Variants in CELSR2 observed in about 807,000 individuals in gnomAD.
CELSR2 encodes cadherin EGF LAG seven-pass G-type receptor 2.
In CELSR2, 81 loss-of-function variants were observed where a neutral mutation model predicts 251.6. The ratio of observed to expected loss-of-function variants is 0.32; its 90% CI spans 0.27 to 0.39. The LOEUF (loss-of-function observed/expected upper bound fraction) is 0.39, where lower values mean the gene tolerates loss of function less well. Among genes scored for constraint, CELSR2 ranks in the 10% least tolerant of loss-of-function variants. CELSR2 has a pLI of 1.00. For synonymous variants in CELSR2, 1,721 were observed against 1,670.5 expected, an observed-to-expected ratio of 1.03 and a Z score of -0.74; for missense variants, 3,365 against 3,947.7, an observed-to-expected ratio of 0.85 and a Z score of 3.96.
rs1437397288 is a variant in CELSR2 at position 109,250,333 on chromosome 1, C to T, written c.254C>T (p.Pro85Leu). 1.2e-6 allele frequency: 2 copies of T among 1,613,378 alleles called. No homozygotes were observed. Among genetic ancestry groups the T allele is most frequent in the East Asian group, 2.2e-5 (1 of 44,882 alleles). The change falls in exon 1 of 34, where the codon CCC becomes CTC. Residue 85 changes from proline (P) to leucine (L), a missense_variant. This residue lies in a region of CELSR2 where 704 missense variants were observed against 784.1 expected (regional missense o/e 0.90). Transcript: ENST00000271332. This position sits in a 1 kb window ranked among gnomAD's most constrained non-coding sequence, Gnocchi z 4.4. ...AGTELTGHLV[P>L]HHDGLRVWCP... ...ACTGAGCTGACTGGCCACCTGGTACCCCACCACGATGGCCTGAGGGTTTGG... is the reference window on the plus strand; with the variant it reads ...ACTGAGCTGACTGGCCACCTGGTACTCCACCACGATGGCCTGAGGGTTTGG...
At chr1:109,265,379 G>A in intron 13 of CELSR2, 68 bp downstream of exon 13, 2 of 1,505,910 alleles carry the variant, frequency 1.3e-6, no homozygotes, top group Non-Finnish European at 1.8e-6. Context: ...GGGCCCTAGA[G>A]GGCAGGCTGT....
Position 109,249,933 on chromosome 1 carries a change from C to T in CELSR2, c.-147C>T. On this transcript the variant is annotated 5_prime_UTR_variant, in exon 1 of 34. Coordinates refer to ENST00000271332, the MANE Select transcript of CELSR2 (RefSeq NM_001408.3). Reference sequence around the variant, plus strand: ...GGGTGCAGCGCGGGGTCCCGCCGAGCCATCCAGACGCAGGCCCCGCGGGGC... The same window carrying T: ...GGGTGCAGCGCGGGGTCCCGCCGAGTCATCCAGACGCAGGCCCCGCGGGGC... The T allele has an allele frequency of 1.5e-6, 1 of 686,838 alleles. No homozygotes were observed. The highest frequency in any genetic ancestry group is 1.9e-6 in the Non-Finnish European group (1 of 517,176). 42.5% of individuals were successfully genotyped at this position (686,838 alleles called of 1,614,324 possible).
In CELSR2 at chr1:109,269,743, C is replaced by T. The variant is rs763359747; in HGVS notation, c.7030C>T (p.Arg2344Cys). Residue 2344 changes from arginine to cysteine, a missense_variant, in exon 22 of 34, where the codon CGC becomes TGC. Transcript: ENST00000271332. The surrounding 1 kb of genome is among the most constrained non-coding windows in gnomAD (Gnocchi z 6.4). ...WSARGCEVVF[R>C]NESHVSCQCN... The stretch of plus-strand genomic sequence containing the variant: ...GGCCAGAGGCTGTGAAGTCGTCTTC[C>T]GCAATGAGAGCCACGTCAGCTGCCA... 7 of 1,613,826 alleles carry T rather than the reference C, an allele frequency of 4.3e-6. No homozygotes were observed. The highest frequency in any genetic ancestry group is 1.7e-5 in the Admixed American group (1 of 59,994).
rs1445705272 is a variant in CELSR2, at chr1:109,270,996, C to T, written c.7553C>T (p.Thr2518Met). The change falls in exon 25 of 34, where the codon ACG becomes ATG. Residue 2518 changes from threonine (T) to methionine (M), a missense_variant. Thr to Met is a moderately conservative substitution (Grantham distance 81). This residue lies in a region of CELSR2 where 2,093 missense variants were observed against 2,382.8 expected (regional missense o/e 0.88). Transcript: ENST00000271332. ...TTCTGCTGGCTCTCCATCTATGACA[C>T]GCTCATCTGGAGTTTTGCTGGCCCG... is the stretch of plus-strand genomic sequence containing the variant. ...PDFCWLSIYD[T>M]LIWSFAGPVA... 7.4e-6 allele frequency: 12 copies of T among 1,613,868 alleles called. No homozygotes were observed. Among genetic ancestry groups the T allele is most frequent in the South Asian group, 1.1e-5 (1 of 91,076 alleles).
At position 109,273,544 on chromosome 1, in the gene CELSR2, GC is replaced by G; in HGVS notation, c.8619del (p.Ser2874AlafsTer19). 6.3e-7 allele frequency: 1 copy of G among 1,580,916 alleles called. No homozygotes were observed. The highest frequency in any genetic ancestry group is 8.6e-7 in the Non-Finnish European group (1 of 1,163,962). ...GSSRGSSASE[G>X]SRGGPPPRPP... is the part of the protein sequence containing the mutation. ...TCCCGGGGCTCCTCCGCTAGTGAGG[GC>G]AGCCGGGGAGGCCCCCCTCCCCGCC... On this transcript the variant is annotated frameshift_variant, in exon 33 of 34. Coordinates refer to ENST00000271332, the MANE Select transcript of CELSR2 (RefSeq NM_001408.3). LOFTEE classifies it high-confidence loss of function.
In CELSR2 at chr1:109,252,842, T is replaced by A. The variant is rs778322362; in HGVS notation, c.2763T>A (p.Phe921Leu). 1 of 1,613,920 alleles carries A rather than the reference T, an allele frequency of 6.2e-7. No homozygotes were observed. Among genetic ancestry groups the A allele is most frequent in the Non-Finnish European group, 8.5e-7 (1 of 1,179,960 alleles). ...ATGTGAATGACAATCCCCCTGTCTT[T>A]GAGCAGGATGAGTTTGATGTGTTTG... ...VLDVNDNPPV[F>L]EQDEFDVFVE... Residue 921 changes from phenylalanine (F) to leucine (L), a missense_variant, in exon 1 of 34, where the codon TTT becomes TTA. Phe to Leu is a conservative substitution (Grantham distance 22, BLOSUM62 0). Transcript: ENST00000271332. This position sits in a 1 kb window ranked among gnomAD's most constrained non-coding sequence, Gnocchi z 4.8.
intron 11 of CELSR2, 119 bp downstream of exon 11, chr1:109,264,747 C>T (rs2101262097): frequency 6.3e-7 from 1 of 1,578,060 alleles, no homozygotes; most frequent in Non-Finnish European, 8.7e-7. Context: ...TAGTTGCCTA[C>T]ACAACAAAGC....
chr1:109,271,122 C>T lies in CELSR2; in HGVS notation c.7596+83C>T, dbSNP rs1322236829. ...CTGCTGGGGCCGCGTGTCCTCAGGA[C>T]TCCCTTTAGGAACAGCTGAGGCCAC... On this transcript the variant is annotated intron_variant, in intron 25 of 33. Coordinates refer to ENST00000271332, the MANE Select transcript of CELSR2 (RefSeq NM_001408.3). 11 of 1,525,544 alleles carry T rather than the reference C, an allele frequency of 7.2e-6. No homozygotes were observed. The East Asian group carries it at 2.3e-4, about 31-fold the overall frequency. 94.5% of individuals were successfully genotyped at this position (1,525,544 alleles called of 1,614,324 possible). A position where few individuals can be genotyped will look rare whatever the true frequency, so the allele number is the denominator to read the frequency against.
At chr1:109,264,052 C>T (rs1216410506) in intron 9 of CELSR2, 26 bp from the exon 10 acceptor site, 15 of 1,548,934 alleles carry the variant, frequency 9.7e-6, no homozygotes, top group Non-Finnish European at 1.2e-5. Flanking sequence ...GTCTGCTGAC[C>T]CTGTTTTCTT....
chr1:109,252,920 C>T lies in CELSR2; in HGVS notation c.2841C>T (p.Asp947=). ...GLAVARVTAT[D]PDEGTNAQIM... is the part of the protein sequence containing the mutation. ...CCGTGGCCCGGGTCACAGCCACTGACCCCGATGAAGGCACCAATGCCCAGA... is the reference window on the plus strand; with the variant it reads ...CCGTGGCCCGGGTCACAGCCACTGATCCCGATGAAGGCACCAATGCCCAGA... The change falls in exon 1 of 34, where the codon GAC becomes GAT. Residue 947 remains aspartate (D), a synonymous_variant. Transcript: ENST00000271332. This position sits in a 1 kb window ranked among gnomAD's most constrained non-coding sequence, Gnocchi z 4.8. The T allele has an allele frequency of 6.2e-7, 1 of 1,612,522 alleles. No individual in the cohort carries two copies. Among genetic ancestry groups the T allele is most frequent in the Non-Finnish European group, 8.5e-7 (1 of 1,179,120 alleles).
chr1:109,268,703 C>T lies in CELSR2; in HGVS notation c.6441C>T (p.Ala2147=), dbSNP rs1656277743. 6.2e-7 allele frequency: 1 copy of T among 1,613,636 alleles called. No individual in the cohort carries two copies. The change falls in exon 18 of 34, where the codon GCC becomes GCT. Residue 2147 remains alanine (A), a synonymous_variant. Coordinates refer to ENST00000271332, the MANE Select transcript of CELSR2 (RefSeq NM_001408.3). The part of the protein sequence containing the change: ...LLQHYEAYAS[A]LAQNMRHTYL... ...AGCACTATGAGGCCTACGCCAGTGC[C>T]CTGGCCCAGAACATGCGGCACACCT...
chr1:109,273,883 C>A, intron 33 of CELSR2, 139 bp from the exon 34 acceptor site: 1 of 1,284,668 alleles, frequency 7.8e-7, no homozygotes, highest in Non-Finnish European at 1.1e-6. Flanking sequence ...CGCAGCCCAG[C>A]CTAGGGCAGA....
chr1:109,262,748 G>T, intron 6 of CELSR2, 58 bp from the exon 7 acceptor site: 1 of 1,587,170 alleles, frequency 6.3e-7, no homozygotes. Context: ...GGCAGAGCGA[G>T]CGGAGGACCA....
In CELSR2 at chr1:109,250,126, C is replaced by CT; in HGVS notation, c.47_48insT (p.Leu17AlafsTer62). ...GTCCCCCTCCCAACGCCGCCGCCGC[C>CT]GCTGCTGCTGCTGTTGCTGCTGCTG... On this transcript the variant is annotated frameshift_variant, in exon 1 of 34. Transcript: ENST00000271332. LOFTEE classifies it high-confidence loss of function. The surrounding 1 kb of genome is among the most constrained non-coding windows in gnomAD (Gnocchi z 4.4). 3 of 1,573,082 alleles carry CT rather than the reference C, an allele frequency of 1.9e-6. No homozygotes were observed. Among genetic ancestry groups the CT allele is most frequent in the Non-Finnish European group, 1.7e-6 (2 of 1,163,344 alleles).
rs573085605 is a variant in CELSR2, at chr1:109,265,420, C to T, written c.5727+109C>T. 17 of 1,274,368 alleles carry T rather than the reference C, an allele frequency of 1.3e-5. No homozygotes were observed. The South Asian group carries it at 2.2e-4, about 17-fold the overall frequency. 78.9% of individuals were successfully genotyped at this position (1,274,368 alleles called of 1,614,324 possible). On this transcript the variant is annotated intron_variant, in intron 13 of 33. Transcript: ENST00000271332. ...TGGGTCTTCCTGTAGAGCTGAGGGCCTTGTGCCTTTGCTCTCACAGGCAGG... is the reference window on the plus strand; with the variant it reads ...TGGGTCTTCCTGTAGAGCTGAGGGCTTTGTGCCTTTGCTCTCACAGGCAGG...
chr1:109,265,822 G>C lies in CELSR2; in HGVS notation c.5815G>C (p.Glu1939Gln). The C allele has an allele frequency of 6.2e-7, 1 of 1,614,134 alleles. No individual in the cohort carries two copies. Among genetic ancestry groups the C allele is most frequent in the Non-Finnish European group, 8.5e-7 (1 of 1,180,036 alleles). Residue 1939 changes from glutamate to glutamine, a missense_variant, in exon 14 of 34, where the codon GAG becomes CAG. By Grantham distance (29) the Glu-to-Gln change is conservative (BLOSUM62 2). Transcript: ENST00000271332. ...CTCCTTGTCCAGAGTCTGTGACCCTGAGGATGGCCAGTGTCCATGCAAGCC... is the reference window on the plus strand; with the variant it reads ...CTCCTTGTCCAGAGTCTGTGACCCTCAGGATGGCCAGTGTCCATGCAAGCC... The part of the protein sequence containing the change: ...TGSLSRVCDP[E>Q]DGQCPCKPGV...
chr1:109,261,230 C>T lies in CELSR2; in HGVS notation c.4147C>T (p.Leu1383=), dbSNP rs760702026. 6 of 1,613,862 alleles carry T rather than the reference C, an allele frequency of 3.7e-6. No homozygotes were observed. The highest frequency in any genetic ancestry group is 1.7e-4 in the Middle Eastern group (1 of 5,854). ...CCACTCCTTCATCACCTTTCGCGGC[C>T]TGCGCCAGCGTTTCCACTTCACCCT... ...PAHSFITFRG[L]RQRFHFTLAL... is the part of the protein sequence containing the mutation. The change falls in exon 3 of 34, where the codon CTG becomes TTG. Residue 1383 remains leucine (L), a synonymous_variant. Transcript: ENST00000271332. The surrounding 1 kb of genome is among the most constrained non-coding windows in gnomAD (Gnocchi z 4.8).
Position 109,271,683 on chromosome 1 carries a change from C to G in CELSR2, c.7887C>G (p.Ser2629Arg). The change falls in exon 28 of 34, where the codon AGC becomes AGG. Residue 2629 changes from serine to arginine, a missense_variant. By Grantham distance (110) the Ser-to-Arg change is moderately radical. This residue lies in a region of CELSR2 where 2,093 missense variants were observed against 2,382.8 expected (regional missense o/e 0.88). Coordinates refer to ENST00000271332, the MANE Select transcript of CELSR2 (RefSeq NM_001408.3). ...AGCTTGCCTGCAGCCGCAAGCCCAG[C>G]CCTGACCCTGCTCTGACCACCAAGT... ...ALKLACSRKP[S>R]PDPALTTKST... 6.2e-7 allele frequency: 1 copy of G among 1,614,018 alleles called. No homozygotes were observed. The highest frequency in any genetic ancestry group is 8.5e-7 in the Non-Finnish European group (1 of 1,180,038).
intron 2 of CELSR2, among the ~76,000 whole-genome samples, chr1:109,259,542 T>G (rs1557730570): frequency 6.6e-6 from 1 of 152,188 alleles, no homozygotes; most frequent in Admixed American, 6.5e-5. Flanking sequence ...ACGCTGAGAT[T>G]GGGTGACTTG....
Sources: gnomAD v4.1 joint callset for allele counts (sites outside exome capture counted in the v4.1 genomes callset) on GRCh38, gnomAD v4.1.1 for gene constraint, gnomAD v4.1.1 regional missense constraint, Gnocchi (gnomAD v3.1) non-coding constraint, MANE v1.5 for transcripts, NCBI Gene and HGNC (gene_info 2026-07-23, HGNC 2026-07-21) for gene names.